The following CHAF1B variants were observed in gnomAD, a reference collection of about 807,000 sequenced individuals.
CHAF1B encodes the protein CAF-1 subunit B.
CHAF1B carries 10 observed loss-of-function variants against 60.7 expected under a neutral mutation model. That is an observed-to-expected ratio of 0.16 (90% CI 0.10 to 0.28). The LOEUF is 0.28. Among genes scored for constraint, CHAF1B ranks in the 10% least tolerant of loss-of-function variants. The probability of loss-of-function intolerance (pLI) is 1.00; values close to 1 mark genes in which losing one functional copy is unlikely to be tolerated. For missense variants in CHAF1B, 558 were observed against 708.4 expected (o/e 0.79, Z 2.41); for synonymous variants, 261 against 266.1 (o/e 0.98, Z 0.19).
In CHAF1B at chr21:36,416,328, G is replaced by A. The variant is rs376573502; in HGVS notation, c.1642G>A (p.Asp548Asn). The change falls in exon 14 of 14, where the codon GAT becomes AAT. Residue 548 changes from aspartate to asparagine, a missense_variant. By Grantham distance (23) the Asp-to-Asn change is conservative. Around this residue, in one of 2 missense-constraint regions of CHAF1B, gnomAD observed 233 missense variants for 214.9 expected, o/e 1.08. Coordinates refer to ENST00000314103, the MANE Select transcript of CHAF1B (RefSeq NM_005441.3). ...SPPELKRPRL[D>N]ENKGGTESLD... ...CCCAGAGCTAAAGCGGCCCAGACTC[G>A]ATGAAAACAAAGGAGGCACGGAAAG... The A allele has an allele frequency of 1.4e-5, 22 of 1,613,982 alleles. No individual in the cohort carries two copies. The highest frequency in any genetic ancestry group is 1.6e-4 in the Middle Eastern group (1 of 6,082).
rs188411329 is a variant in CHAF1B, at chr21:36,393,913, G to A, written c.378-634G>A. Among the ~76,000 whole-genome samples the A allele has an allele frequency of 2.0e-5, 3 of 150,914 alleles. No homozygotes were observed. The East Asian group carries it at 5.9e-4, about 30-fold the overall frequency. ...TAATAATTGCTTTTTGTTTTGTTTT[G>A]TTTAGAGTCAGAGTCTCACTCTGTT... On this transcript the variant is annotated intron_variant, in intron 4 of 13. Transcript: ENST00000314103.
chr21:36,391,403 G>A, intron 3 of CHAF1B, 148 bp from the exon 4 acceptor site: 2 of 465,492 alleles, frequency 4.3e-6, no homozygotes, highest in Non-Finnish European at 7.9e-6. Flanking sequence ...GGCAGAGGTT[G>A]CAGTGAGCCA....
chr21:36,404,497 C>T (rs1433391045), intron 8 of CHAF1B, among the ~76,000 whole-genome samples: 5 of 148,216 alleles, frequency 3.4e-5, no homozygotes, highest in South Asian at 2.1e-4. Context: ...TGCAATGGCA[C>T]GATCTCGGCT....
Position 36,397,206 on chromosome 21 carries a change from C to T in CHAF1B, c.482-209C>T, listed in dbSNP as rs188615001. Among the ~76,000 whole-genome samples the T allele has an allele frequency of 6.0e-3, 917 of 152,292 alleles. 6 individuals carry two copies. The highest frequency in any genetic ancestry group is 0.01 in the Middle Eastern group (3 of 294). ...TTGCTTGTTGATGGGTCTGTCTGAT[C>T]TGTGGGCTCCCTGAGGGTGGGGACT... On this transcript the variant is annotated intron_variant, in intron 5 of 13. Coordinates refer to ENST00000314103, the MANE Select transcript of CHAF1B (RefSeq NM_005441.3).
intron 12 of CHAF1B, 91 bp downstream of exon 12, chr21:36,413,406 C>G (rs562708595): frequency 1.2e-5 from 15 of 1,252,924 alleles, no homozygotes; most frequent in South Asian, 1.5e-5. Flanking sequence ...AAATTTCAGG[C>G]GGTGAATGCT....
chr21:36,406,662 T>G (rs1346223080), intron 8 of CHAF1B, among the ~76,000 whole-genome samples: 1 of 152,168 alleles, frequency 6.6e-6, no homozygotes, highest in African/African-American at 2.4e-5. Context: ...ATATATGTTG[T>G]GGAATGACTA....
At chr21:36,401,340 T>A (rs1415157907) in intron 7 of CHAF1B, among the ~76,000 whole-genome samples, 1 of 142,868 alleles carries the variant, frequency 7.0e-6, no homozygotes, top group Non-Finnish European at 1.5e-5. Flanking sequence ...GTTATATATT[T>A]ATATTATATA....
At chr21:36,399,935 T>G (rs1376421472) in intron 7 of CHAF1B, among the ~76,000 whole-genome samples, 2 of 152,172 alleles carry the variant, frequency 1.3e-5, no homozygotes, top group East Asian at 3.9e-4. Context: ...TCCCAGCACT[T>G]TGGGAGACTG....
At chr21:36,395,047 T>C (rs1185659765) in intron 5 of CHAF1B, among the ~76,000 whole-genome samples, 1 of 146,244 alleles carries the variant, frequency 6.8e-6, no homozygotes, top group Non-Finnish European at 1.5e-5. Flanking sequence ...TACCTTAACT[T>C]TATTTTTTAT....
chr21:36,397,268 A>G, intron 5 of CHAF1B, 147 bp from the exon 6 acceptor site: 1 of 403,660 alleles, frequency 2.5e-6, no homozygotes, highest in Non-Finnish European at 4.4e-6. Context: ...AGCCTGACAC[A>G]GGGTTTTAGT....
In CHAF1B at chr21:36,386,270, G is replaced by C. The variant is rs536115732; in HGVS notation, c.126+8G>C. ...GTGGACACCAATGTCAGGGTAAACT[G>C]GGGCAGAGATAGACATCCGGGAACA... On this transcript the variant is annotated splice_region_variant and intron_variant, in intron 2 of 13. Transcript: ENST00000314103. 35 of 1,613,210 alleles carry C rather than the reference G, an allele frequency of 2.2e-5. No individual in the cohort carries two copies. Among genetic ancestry groups the C allele is most frequent in the Non-Finnish European group, 3.0e-5 (35 of 1,179,684 alleles).
intron 5 of CHAF1B, among the ~76,000 whole-genome samples, chr21:36,395,146 G>A (rs1265316244): frequency 6.6e-6 from 1 of 151,844 alleles, no homozygotes; most frequent in African/African-American, 2.4e-5. Context: ...CACCTCCCGG[G>A]TTCAAGCGAT....
At chr21:36,400,371 T>C (rs1264461020) in intron 7 of CHAF1B, among the ~76,000 whole-genome samples, 2 of 151,898 alleles carry the variant, frequency 1.3e-5, no homozygotes, top group African/African-American at 4.8e-5. Context: ...TTCAGGAGGC[T>C]GAGGCAGGAG....
At position 36,418,213 on chromosome 21, in the gene CHAF1B, C is replaced by T. The variant is rs898462529; in HGVS notation, c.*1847C>T. On this transcript the variant is annotated 3_prime_UTR_variant, in exon 14 of 14. Transcript: ENST00000314103. ...ATTTTTAGTAGAGATGGTGTTTCACCATGTTGGTCAGGCTGGTCTCCAACG... is the reference window on the plus strand; with the variant it reads ...ATTTTTAGTAGAGATGGTGTTTCACTATGTTGGTCAGGCTGGTCTCCAACG... 3 of 151,828 alleles carry T rather than the reference C, an allele frequency of 2.0e-5. No individual in the cohort carries two copies. Among genetic ancestry groups the T allele is most frequent in the Non-Finnish European group, 4.4e-5 (3 of 67,996 alleles). The allele number at this position is 151,828 out of a possible 1,614,324, so 9.4% of individuals were successfully genotyped here. A position where few individuals can be genotyped will look rare whatever the true frequency, so the allele number is the denominator to read the frequency against.
intron 8 of CHAF1B, among the ~76,000 whole-genome samples, chr21:36,403,646 A>G (rs1362746555): frequency 6.6e-6 from 1 of 152,196 alleles, no homozygotes; most frequent in Non-Finnish European, 1.5e-5. Flanking sequence ...TTGTGGAAGC[A>G]GCAGTGGTCA....
At chr21:36,403,707 A>G (rs905408467) in intron 8 of CHAF1B, among the ~76,000 whole-genome samples, 4 of 152,202 alleles carry the variant, frequency 2.6e-5, no homozygotes, top group African/African-American at 9.6e-5. Flanking sequence ...TATTGTCCCT[A>G]TGTCCCTAGG....
chr21:36,407,684 A>G (rs952249423), intron 8 of CHAF1B, among the ~76,000 whole-genome samples: 4 of 152,176 alleles, frequency 2.6e-5, no homozygotes, highest in African/African-American at 9.7e-5. Flanking sequence ...ATGGAGTGGG[A>G]TGAAAAGAGG....
intron 5 of CHAF1B, among the ~76,000 whole-genome samples, chr21:36,396,246 T>C (rs1469547270): frequency 6.7e-6 from 1 of 150,062 alleles, no homozygotes; most frequent in Non-Finnish European, 1.5e-5. Context: ...GCGATCTGCC[T>C]GCGTCGGCCT....
chr21:36,391,926 T>TAA (rs1273333530), intron 4 of CHAF1B, among the ~76,000 whole-genome samples: 1 of 141,310 alleles, frequency 7.1e-6, no homozygotes, highest in African/African-American at 2.7e-5. Flanking sequence ...TTTTTTTTTT[T>TAA]TTTTTTTTTT....
Sources: gnomAD v4.1 joint callset for allele counts (sites outside exome capture counted in the v4.1 genomes callset) on GRCh38, gnomAD v4.1.1 for gene constraint, gnomAD v4.1.1 regional missense constraint, MANE v1.5 for transcripts, NCBI Gene and HGNC (gene_info 2026-07-23, HGNC 2026-07-21) for gene names.